EPS15: variants seen among roughly 807,000 people sequenced by gnomAD.
The protein encoded by EPS15 is epidermal growth factor receptor substrate 15.
In EPS15, 72 loss-of-function variants were observed where a neutral mutation model predicts 113.8. The observed-to-expected ratio is 0.63, with a 90% CI of 0.52 to 0.77. EPS15 has a LOEUF of 0.77. Among genes scored for constraint, EPS15 ranks in the 30% least tolerant of loss-of-function variants. EPS15 has a pLI of 0.00. For missense variants in EPS15, 1,048 were observed against 1,045.8 expected (o/e 1.00, Z -0.03); for synonymous variants, 344 against 363.4 (o/e 0.95, Z 0.61).
At chr1:51,493,362 C>CA (rs1644271361) in intron 1 of EPS15, among the ~76,000 whole-genome samples, 1 of 108,686 alleles carries the variant, frequency 9.2e-6, no homozygotes, top group African/African-American at 3.6e-5. Flanking sequence ...CTCCATCCTC[C>CA]AAAAAAATAA....
chr1:51,437,445 T>C (rs1265317674), intron 12 of EPS15, among the ~76,000 whole-genome samples: 3 of 151,360 alleles, frequency 2.0e-5, no homozygotes, highest in Non-Finnish European at 2.9e-5. Flanking sequence ...TTTCACATCA[T>C]ACATGCTGCT....
chr1:51,494,829 T>C (rs548003400), intron 1 of EPS15, among the ~76,000 whole-genome samples: 1 of 152,258 alleles, frequency 6.6e-6, no homozygotes, highest in Non-Finnish European at 1.5e-5. Flanking sequence ...ACTGGATCTG[T>C]GCCCCACTCT....
At chr1:51,482,553 G>A (rs189877028) in intron 1 of EPS15, among the ~76,000 whole-genome samples, 148 of 152,112 alleles carry the variant, frequency 9.7e-4, no homozygotes, top group Middle Eastern at 6.8e-3. Context: ...TGCAACCTCC[G>A]CCTCCCAGGT....
intron 13 of EPS15, among the ~76,000 whole-genome samples, chr1:51,415,654 G>A (rs1313790938): frequency 6.6e-6 from 1 of 151,714 alleles, no homozygotes; most frequent in East Asian, 1.9e-4. Context: ...AAATTAGCCA[G>A]GCGTGGTGGC....
chr1:51,392,512 A>G (rs1002776754), intron 21 of EPS15, among the ~76,000 whole-genome samples: 2 of 152,236 alleles, frequency 1.3e-5, no homozygotes, highest in Non-Finnish European at 2.9e-5. Flanking sequence ...GAGGTATTAG[A>G]AATCTTTAAT....
At chr1:51,463,534 G>A in intron 7 of EPS15, 139 bp downstream of exon 7, 1 of 533,852 alleles carries the variant, frequency 1.9e-6, no homozygotes, top group South Asian at 3.6e-5. Context: ...CATTAAGTCA[G>A]AAAACAAAAA....
chr1:51,388,309 A>T (rs368578884), intron 21 of EPS15, among the ~76,000 whole-genome samples: 4 of 152,230 alleles, frequency 2.6e-5, no homozygotes, highest in African/African-American at 9.6e-5. Flanking sequence ...TCTCTGGGAC[A>T]CATTCAAAGC....
intron 8 of EPS15, among the ~76,000 whole-genome samples, chr1:51,460,711 T>C (rs1305388794): frequency 6.6e-6 from 1 of 152,192 alleles, no homozygotes. Flanking sequence ...CCCAGCACTT[T>C]GGGAGGCTGA....
chr1:51,428,556 G>A (rs1651421161), intron 12 of EPS15, among the ~76,000 whole-genome samples: 1 of 152,112 alleles, frequency 6.6e-6, no homozygotes, highest in Admixed American at 6.6e-5. Flanking sequence ...GCCAGGTGCA[G>A]TGGCTCACTC....
rs140254572 is a variant in EPS15, at chr1:51,472,563, G to C, written c.165+296C>G. Among the ~76,000 whole-genome samples, 926 of 152,234 alleles carry C rather than the reference G, an allele frequency of 6.1e-3. 9 individuals are homozygous for C. Among genetic ancestry groups the C allele is most frequent in the African/African-American group, 0.02 (850 of 41,542 alleles). On this transcript the variant is annotated intron_variant, in intron 3 of 24. Coordinates refer to ENST00000371733, the MANE Select transcript of EPS15 (RefSeq NM_001981.3). ...GAAGTAGGGATAGAGCCAAGTCTTTGAGTGTGTGGCAAGATTCCCAGTCTT... is the reference window on the plus strand; with the variant it reads ...GAAGTAGGGATAGAGCCAAGTCTTTCAGTGTGTGGCAAGATTCCCAGTCTT...
intron 8 of EPS15, among the ~76,000 whole-genome samples, chr1:51,451,257 G>C (rs191921912): frequency 6.6e-6 from 1 of 151,850 alleles, no homozygotes; most frequent in Non-Finnish European, 1.5e-5. Flanking sequence ...GGGAGGCTGA[G>C]GTGGGTGGAT....
chr1:51,470,247 G>A (rs1270455217), intron 4 of EPS15, among the ~76,000 whole-genome samples: 3 of 152,132 alleles, frequency 2.0e-5, no homozygotes, highest in African/African-American at 4.8e-5. Context: ...TGTATTATGA[G>A]CAACAAAATA....
intron 8 of EPS15, among the ~76,000 whole-genome samples, chr1:51,453,953 G>A (rs1309323237): frequency 6.6e-6 from 1 of 151,498 alleles, no homozygotes; most frequent in East Asian, 1.9e-4. Context: ...TGGAGGCTGA[G>A]GCAGGAGAAT....
chr1:51,394,387 C>A lies in EPS15; in HGVS notation c.2113G>T (p.Asp705Tyr). Residue 705 changes from aspartate (D) to tyrosine (Y), a missense_variant, in exon 21 of 25, where the codon GAT becomes TAT. Physicochemically the swap from Asp to Tyr is radical, Grantham distance 160 (BLOSUM62 -3). Coordinates refer to ENST00000371733, the MANE Select transcript of EPS15 (RefSeq NM_001981.3). The stretch of plus-strand genomic sequence containing the variant: ...TGATAAATTATTTATTTACCTGAAT[C>A]GCTTGCTGCAACAACTGTTCCACCA... ...APGGTVVAASDSATDPFASVF... is the reference protein window; with the variant it reads ...APGGTVVAASYSATDPFASVF... 6.3e-7 allele frequency: 1 copy of A among 1,592,494 alleles called. No individual in the cohort carries two copies. The highest frequency in any genetic ancestry group is 8.6e-7 in the Non-Finnish European group (1 of 1,165,668).
chr1:51,481,786 C>G (rs958981392), intron 1 of EPS15, among the ~76,000 whole-genome samples: 1 of 152,166 alleles, frequency 6.6e-6, no homozygotes, highest in African/African-American at 2.4e-5. Flanking sequence ...CAGATATAAA[C>G]TGCTTGCAGA....
intron 23 of EPS15, among the ~76,000 whole-genome samples, chr1:51,363,012 T>A (rs1312364475): frequency 6.6e-6 from 1 of 151,630 alleles, no homozygotes; most frequent in East Asian, 1.9e-4. Flanking sequence ...TAGAAAAGAG[T>A]CTTGGCCAGG....
At chr1:51,367,908 G>C (rs1327144430) in intron 21 of EPS15, among the ~76,000 whole-genome samples, 1 of 152,216 alleles carries the variant, frequency 6.6e-6, no homozygotes, top group East Asian at 1.9e-4. Flanking sequence ...GAGGCGGGCA[G>C]ATCACCTGAG....
intron 1 of EPS15, among the ~76,000 whole-genome samples, chr1:51,495,330 G>C (rs1644306098): frequency 6.6e-6 from 1 of 151,314 alleles, no homozygotes; most frequent in South Asian, 2.1e-4. Flanking sequence ...CTGACAAAGT[G>C]AGTTTTATTT....
chr1:51,386,933 G>T (rs908792269), intron 21 of EPS15, among the ~76,000 whole-genome samples: 3 of 152,130 alleles, frequency 2.0e-5, no homozygotes, highest in Non-Finnish European at 4.4e-5. Context: ...AATCTAGCAA[G>T]GCAGGCCAAC....
Sources: allele counts gnomAD v4.1 joint callset (sites outside exome capture counted in the v4.1 genomes callset), GRCh38; gene constraint gnomAD v4.1.1; transcripts MANE v1.5; gene names NCBI Gene and HGNC (gene_info 2026-07-23, HGNC 2026-07-21).